PITRM1: variants seen among roughly 807,000 people sequenced by gnomAD.
PITRM1 encodes the protein presequence protease, mitochondrial.
A neutral mutation model predicts 129.9 loss-of-function variants in PITRM1; 100 were observed. The observed-to-expected ratio is 0.77, with a 90% CI of 0.65 to 0.91. The LOEUF (loss-of-function observed/expected upper bound fraction) is 0.91, where lower values mean the gene tolerates loss of function less well. PITRM1 is among the 40% of genes least tolerant of loss of function. PITRM1 has a pLI of 0.00. For missense variants in PITRM1, 1,471 were observed against 1,318.3 expected (o/e 1.12, Z -1.79); for synonymous variants, 591 against 508.8 (o/e 1.16, Z -2.17).
chr10:3,171,474 C>T (rs911724547), intron 1 of PITRM1, among the ~76,000 whole-genome samples: 24 of 152,138 alleles, frequency 1.6e-4, no homozygotes, highest in African/African-American at 5.1e-4. Context: ...AGACAGATCT[C>T]ACTCTGTTGC....
chr10:3,172,690 C>G (rs979739995), intron 1 of PITRM1, 27 bp downstream of exon 1: 3 of 1,530,076 alleles, frequency 2.0e-6, no homozygotes, highest in Non-Finnish European at 2.6e-6. Context: ...ACCAGCGCGC[C>G]GAGCGCCTCC....
Position 3,165,424 on chromosome 10 carries a change from C to T in PITRM1, c.522G>A (p.Glu174=). The T allele has an allele frequency of 6.2e-7, 1 of 1,612,594 alleles. No homozygotes were observed. Among genetic ancestry groups the T allele is most frequent in the South Asian group, 1.1e-5 (1 of 90,716 alleles). The stretch of plus-strand genomic sequence containing the variant: ...CATTCATGACATACCAGAAATCCAG[C>T]TCGCGTAAACATGGGAAAAAGGTGG... ...LDATFFPCLR[E]LDFWQEGWRL... Residue 174 remains glutamate, a synonymous_variant, in exon 5 of 27, where the codon GAG becomes GAA. Coordinates refer to ENST00000224949, the MANE Select transcript of PITRM1 (RefSeq NM_014889.4).
At chr10:3,143,632 T>C (rs1840506645) in intron 22 of PITRM1, 131 bp from the exon 23 acceptor site, 2 of 726,150 alleles carry the variant, frequency 2.8e-6, no homozygotes, top group South Asian at 3.0e-5. Context: ...ACTGGAGCCA[T>C]CTCAGGGGTC....
In PITRM1 at chr10:3,143,529, G is replaced by A. The variant is rs768297405; in HGVS notation, c.2533-28C>T. On this transcript the variant is annotated intron_variant, in intron 22 of 26. Coordinates refer to ENST00000224949, the MANE Select transcript of PITRM1 (RefSeq NM_014889.4). ...GAGGGACACGGTATGGTCAGAGGCG[G>A]CTGTGCTGCCATGCACCGCCCACGG... 6 of 1,505,268 alleles carry A rather than the reference G, an allele frequency of 4.0e-6. No individual in the cohort carries two copies. The South Asian group carries it at 6.8e-5, about 17-fold the overall frequency. 93.2% of individuals were successfully genotyped at this position (1,505,268 alleles called of 1,614,324 possible).
chr10:3,172,499 G>A (rs117733067), intron 1 of PITRM1, among the ~76,000 whole-genome samples: 13,823 of 152,230 alleles, frequency 0.091, 820 homozygotes, highest in Non-Finnish European at 0.13. Flanking sequence ...CCCCAGCCCG[G>A]GGCATCGCCC....
rs1425342826 is a variant in PITRM1 at position 3,157,066 on chromosome 10, TGGAA to T, written c.1348-6_1348-3del. 1.2e-6 allele frequency: 2 copies of T among 1,602,560 alleles called. No homozygotes were observed. The highest frequency in any genetic ancestry group is 1.7e-6 in the Non-Finnish European group (2 of 1,176,832). ...ATGGTTCCAGCAAGAAGCTATGTAC[TGGAA>T]GGAAGATTTCCACATCCACAATGCA... On this transcript the variant is annotated splice_polypyrimidine_tract_variant and splice_region_variant and intron_variant, in intron 12 of 26. Transcript: ENST00000224949.
intron 15 of PITRM1, 107 bp downstream of exon 15, chr10:3,151,140 G>GTTT: frequency 1.4e-6 from 1 of 720,974 alleles, no homozygotes. Flanking sequence ...CTGCTCAAGT[G>GTTT]TTTCAGGGAA....
intron 24 of PITRM1, 145 bp downstream of exon 24, chr10:3,140,542 G>T (rs1048293229): frequency 1.4e-6 from 1 of 700,970 alleles, no homozygotes; most frequent in Non-Finnish European, 2.4e-6. Context: ...GCTGGGTGTG[G>T]CTAAGTGCCC....
At chr10:3,162,150 C>T (rs1398922444) in intron 7 of PITRM1, among the ~76,000 whole-genome samples, 3 of 110,890 alleles carry the variant, frequency 2.7e-5, no homozygotes, top group Non-Finnish European at 5.6e-5. Flanking sequence ...AGAACCAGAC[C>T]CTGTCTTTAA....
chr10:3,150,724 G>A (rs1316026984), intron 15 of PITRM1, among the ~76,000 whole-genome samples: 3 of 152,204 alleles, frequency 2.0e-5, no homozygotes, highest in East Asian at 1.9e-4. Context: ...AAAGTACCAC[G>A]GAACAAAAGG....
At chr10:3,140,590 A>G (rs1840086361) in intron 24 of PITRM1, 97 bp downstream of exon 24, 3 of 1,178,808 alleles carry the variant, frequency 2.5e-6, no homozygotes, top group Non-Finnish European at 3.6e-6. Flanking sequence ...ACTTTTGTCT[A>G]AAATTCACTG....
intron 2 of PITRM1, among the ~76,000 whole-genome samples, chr10:3,168,611 G>A (rs1290058330): frequency 3.4e-5 from 5 of 147,082 alleles, no homozygotes; most frequent in African/African-American, 1.1e-4. Context: ...TTATTCTCGT[G>A]ACAGTGAGCA....
Position 3,163,856 on chromosome 10 carries a change from G to A in PITRM1, c.660C>T (p.His220=). The A allele has an allele frequency of 6.2e-7, 1 of 1,608,594 alleles. No homozygotes were observed. The highest frequency in any genetic ancestry group is 2.2e-5 in the East Asian group (1 of 44,788). The change falls in exon 7 of 27, where the codon CAC becomes CAT. Residue 220 remains histidine, a synonymous_variant. Transcript: ENST00000224949. Reference sequence around the variant, plus strand: ...GGTCAGGAAGAAGTCTGTTCTGAAGGTGCTGGGAGAATATCCTCTCATTGT... The same window carrying A: ...GGTCAGGAAGAAGTCTGTTCTGAAGATGCTGGGAGAATATCCTCTCATTGT... ...FTDNERIFSQ[H]LQNRLLPDHT... is the part of the protein sequence containing the mutation.
chr10:3,143,941 C>T (rs554759588), intron 22 of PITRM1: 92 of 513,714 alleles, frequency 1.8e-4, no homozygotes, highest in Non-Finnish European at 2.8e-4. Context: ...TCTGTCAGAC[C>T]GCTCCACTGG....
chr10:3,141,730 G>A (rs747335896), intron 23 of PITRM1: 1 of 460,944 alleles, frequency 2.2e-6, no homozygotes, highest in African/African-American at 2.0e-5. Context: ...CCACAGACAG[G>A]CCTTTTCCTA....
chr10:3,138,126 T>C lies in PITRM1; in HGVS notation c.3021-2A>G, dbSNP rs771839728. The C allele has an allele frequency of 1.9e-6, 3 of 1,605,490 alleles. No homozygotes were observed. The highest frequency in any genetic ancestry group is 1.3e-5 in the African/African-American group (1 of 74,856). ...GTGCTCTTCCCAGTGCCGAGGTATC[T>C]GAGAGGAAGGCAGGCGTGGTCAGCA... On this transcript the variant is annotated splice_acceptor_variant, in intron 26 of 26. Coordinates refer to ENST00000224949, the MANE Select transcript of PITRM1 (RefSeq NM_014889.4). LOFTEE classifies it high-confidence loss of function.
At chr10:3,147,864 T>C (rs1490985594) in intron 18 of PITRM1, 123 bp downstream of exon 18, 6 of 1,175,270 alleles carry the variant, frequency 5.1e-6, no homozygotes, top group Non-Finnish European at 7.3e-6. Flanking sequence ...CCATATGAAC[T>C]ACAAGTAAAA....
intron 25 of PITRM1, 158 bp from the exon 26 acceptor site, chr10:3,138,495 G>A (rs954579634): frequency 4.8e-5 from 31 of 651,688 alleles, no homozygotes; most frequent in Non-Finnish European, 6.3e-5. Context: ...ATCACACCCC[G>A]ACCTCCAGCT....
intron 2 of PITRM1, among the ~76,000 whole-genome samples, chr10:3,169,294 C>T (rs1843144991): frequency 6.6e-6 from 1 of 152,276 alleles, no homozygotes; most frequent in South Asian, 2.1e-4. Flanking sequence ...CTAGTCACTG[C>T]CCTGGCTCCC....
Sources: gnomAD v4.1 joint callset for allele counts (sites outside exome capture counted in the v4.1 genomes callset) on GRCh38, gnomAD v4.1.1 for gene constraint, MANE v1.5 for transcripts, NCBI Gene and HGNC (gene_info 2026-07-23, HGNC 2026-07-21) for gene names.